Variants in VAPA observed in about 807,000 individuals in gnomAD.
The protein encoded by VAPA is vesicle-associated membrane protein-associated protein A.
A neutral mutation model predicts 25.6 loss-of-function variants in VAPA; 6 were observed. That is an observed-to-expected ratio of 0.23 (90% CI 0.13 to 0.46). VAPA has a LOEUF of 0.46. VAPA is among the 20% of genes least tolerant of loss of function. VAPA has a pLI of 0.99. For synonymous variants in VAPA, 112 were observed against 106.2 expected (o/e 1.05, Z -0.34); for missense variants, 244 against 302.1 (o/e 0.81, Z 1.43).
At chr18:9,932,242 T>C (rs939836247) in intron 2 of VAPA, among the ~76,000 whole-genome samples, 4 of 152,240 alleles carry the variant, frequency 2.6e-5, no homozygotes. Flanking sequence ...GCCTTTGTTA[T>C]TTTATCTTTG....
In VAPA at chr18:9,958,687, T is replaced by A. The variant is rs2069576249; in HGVS notation, c.*4476T>A. 1.3e-5 allele frequency: 2 copies of A among 152,194 alleles called. No homozygotes were observed. Among genetic ancestry groups the A allele is most frequent in the South Asian group, 4.1e-4 (2 of 4,824 alleles). 9.4% of individuals were successfully genotyped at this position (152,194 alleles called of 1,614,324 possible). On this transcript the variant is annotated 3_prime_UTR_variant, in exon 6 of 6. Coordinates refer to ENST00000400000, the MANE Select transcript of VAPA (RefSeq NM_194434.3). Reference sequence around the variant, plus strand: ...ATATGAAGTAGATTTAATTAAGACTTGACTTCAGCAATACAGGGGAACTTA... The same window carrying A: ...ATATGAAGTAGATTTAATTAAGACTAGACTTCAGCAATACAGGGGAACTTA...
chr18:9,936,220 A>G lies in VAPA; in HGVS notation c.336+7A>G, dbSNP rs1340024740. ...TTCAGATATGGAAGCTGTGGTAAGT[A>G]TAGAAGAAGAATTTGTTTTGGGAAG... On this transcript the variant is annotated splice_region_variant and intron_variant, in intron 3 of 5. Coordinates refer to ENST00000400000, the MANE Select transcript of VAPA (RefSeq NM_194434.3). 1 of 1,566,042 alleles carries G rather than the reference A, an allele frequency of 6.4e-7. No homozygotes were observed. The highest frequency in any genetic ancestry group is 1.4e-5 in the African/African-American group (1 of 73,532).
Position 9,955,762 on chromosome 18 carries a change from G to A in VAPA, c.*1551G>A, listed in dbSNP as rs770104294. On this transcript the variant is annotated 3_prime_UTR_variant, in exon 6 of 6. Coordinates refer to ENST00000400000, the MANE Select transcript of VAPA (RefSeq NM_194434.3). ...ATATATTGTGTTATTGGGCGCTGTG[G>A]TATCTTTTATAAAACCTCTTGCTTG... 2 of 152,140 alleles carry A rather than the reference G, an allele frequency of 1.3e-5. No individual in the cohort carries two copies. The highest frequency in any genetic ancestry group is 6.5e-5 in the Admixed American group (1 of 15,278). 9.4% of individuals were successfully genotyped at this position (152,140 alleles called of 1,614,324 possible).
chr18:9,919,737 G>A (rs1352094154), intron 1 of VAPA, among the ~76,000 whole-genome samples: 1 of 152,232 alleles, frequency 6.6e-6, no homozygotes, highest in Non-Finnish European at 1.5e-5. Context: ...AGTAGGTCAA[G>A]TTAGGAGTTT....
At chr18:9,938,765 A>G (rs1337239333) in intron 4 of VAPA, among the ~76,000 whole-genome samples, 1 of 152,224 alleles carries the variant, frequency 6.6e-6, no homozygotes, top group Non-Finnish European at 1.5e-5. Context: ...AATATCTGCT[A>G]AAGATAATTT....
At position 9,958,875 on chromosome 18, in the gene VAPA, G is replaced by GT. The variant is rs752257647; in HGVS notation, c.*4665dup. ...ATCGCAAAAAGGCGATTTGAGAAAT[G>GT]TGGGCTTCAGTATTAATTGCCATTT... On this transcript the variant is annotated 3_prime_UTR_variant, in exon 6 of 6. Coordinates refer to ENST00000400000, the MANE Select transcript of VAPA (RefSeq NM_194434.3). The GT allele has an allele frequency of 7.9e-5, 12 of 152,060 alleles. No homozygotes were observed. The highest frequency in any genetic ancestry group is 1.2e-4 in the Non-Finnish European group (8 of 68,038). 9.4% of individuals were successfully genotyped at this position (152,060 alleles called of 1,614,324 possible). A position where few individuals can be genotyped will look rare whatever the true frequency, so the allele number is the denominator to read the frequency against.
Position 9,929,855 on chromosome 18 carries a change from A to G in VAPA, c.80-1955A>G, listed in dbSNP as rs539859936. ...TTCTACGTTTTACTCGCAAGTTAAC[A>G]TGTCCTGTTAAGAATTTAGTTTTGA... On this transcript the variant is annotated intron_variant, in intron 1 of 5. Transcript: ENST00000400000. Among the ~76,000 whole-genome samples the G allele has an allele frequency of 1.7e-4, 26 of 152,324 alleles. No individual in the cohort carries two copies. The South Asian group carries it at 4.8e-3, about 28-fold the overall frequency.
chr18:9,931,960 C>T lies in VAPA; in HGVS notation c.230C>T (p.Ser77Leu). Residue 77 changes from serine to leucine, a missense_variant and splice_region_variant, in exon 2 of 6, where the codon TCA becomes TTA. Around this residue, in one of 2 missense-constraint regions of VAPA, gnomAD observed 99 missense variants for 161.6 expected, o/e 0.61. Transcript: ENST00000400000. ...GACCCAGGGTCAACTGTGACTGTTT[C>T]AGGTAGCAAATCATGTTCTGAATTT... is the stretch of plus-strand genomic sequence containing the variant. ...IIDPGSTVTV[S>L]VMLQPFDYDP... is the part of the protein sequence containing the mutation. The T allele has an allele frequency of 1.9e-6, 3 of 1,581,688 alleles. No individual in the cohort carries two copies. Among genetic ancestry groups the T allele is most frequent in the Middle Eastern group, 1.7e-4 (1 of 5,940 alleles).
intron 1 of VAPA, among the ~76,000 whole-genome samples, chr18:9,917,747 G>A (rs2069123867): frequency 1.3e-5 from 2 of 152,188 alleles, no homozygotes; most frequent in African/African-American, 4.8e-5. Flanking sequence ...GCTCTCTGAG[G>A]GATCGAGGGA....
At chr18:9,936,533 A>T (rs1239860701) in intron 3 of VAPA, 1 of 212,714 alleles carries the variant, frequency 4.7e-6, no homozygotes, top group Admixed American at 5.8e-5. Flanking sequence ...ACATGACAAG[A>T]CCCTGTCTCT....
Position 9,940,240 on chromosome 18 carries a change from A to G in VAPA, c.417+3174A>G, listed in dbSNP as rs1442480301. ...TAGTTTATTATTATTGTTGATGCTC[A>G]AATTGCCTGGTAAGGAGACTTTTTA... On this transcript the variant is annotated intron_variant, in intron 4 of 5. Coordinates refer to ENST00000400000, the MANE Select transcript of VAPA (RefSeq NM_194434.3). Among the ~76,000 whole-genome samples, 5 of 152,216 alleles carry G rather than the reference A, an allele frequency of 3.3e-5. No homozygotes were observed. In the East Asian group the frequency reaches 9.7e-4, roughly 29 times the overall value.
At chr18:9,952,554 A>C (rs1330534145) in intron 5 of VAPA, among the ~76,000 whole-genome samples, 2 of 144,186 alleles carry the variant, frequency 1.4e-5, no homozygotes, top group East Asian at 3.9e-4. Flanking sequence ...TGACGAGCAA[A>C]ACATCGTCTC....
intron 1 of VAPA, among the ~76,000 whole-genome samples, chr18:9,930,297 G>A (rs1420160482): frequency 6.6e-6 from 1 of 152,036 alleles, no homozygotes; most frequent in Admixed American, 6.6e-5. Flanking sequence ...TAAGAAATTG[G>A]ATCTTTATTT....
At chr18:9,948,300 T>G (rs1373854689) in intron 4 of VAPA, 1 of 152,184 alleles carries the variant, frequency 6.6e-6, no homozygotes, top group African/African-American at 2.4e-5. Context: ...ATTTAAAATT[T>G]GAAAGAATGG....
intron 1 of VAPA, among the ~76,000 whole-genome samples, chr18:9,928,923 CATT>C (rs1329378281): frequency 2.6e-5 from 4 of 152,084 alleles, no homozygotes. Flanking sequence ...GTTTTCTTAA[CATT>C]GTTAAAAGGG....
At chr18:9,930,855 C>T (rs370736544) in intron 1 of VAPA, among the ~76,000 whole-genome samples, 12 of 151,934 alleles carry the variant, frequency 7.9e-5, no homozygotes, top group African/African-American at 2.9e-4. Context: ...TATTTTACTA[C>T]TAACAAACTT....
At chr18:9,950,229 A>AGG in intron 4 of VAPA, 166 bp from the exon 5 acceptor site, 1 of 621,546 alleles carries the variant, frequency 1.6e-6, no homozygotes, top group Non-Finnish European at 2.8e-6. Flanking sequence ...ATGGGAATAG[A>AGG]GGGAGTGGGC....
intron 4 of VAPA, chr18:9,945,192 C>G: frequency 9.3e-7 from 1 of 1,078,498 alleles, no homozygotes; most frequent in Non-Finnish European, 1.3e-6. Context: ...CCTAAAATTA[C>G]AATAAAACTA....
At chr18:9,934,492 C>CT (rs775899877) in intron 2 of VAPA, among the ~76,000 whole-genome samples, 37 of 152,306 alleles carry the variant, frequency 2.4e-4, no homozygotes, top group Non-Finnish European at 4.0e-4. Context: ...TTTCCTGCTG[C>CT]TGTGTATTTG....
Sources: allele counts gnomAD v4.1 joint callset (sites outside exome capture counted in the v4.1 genomes callset), GRCh38; gene constraint gnomAD v4.1.1; regional missense constraint gnomAD v4.1.1; transcripts MANE v1.5; gene names NCBI Gene and HGNC (gene_info 2026-07-23, HGNC 2026-07-21).